The following NTN1 variants were observed in gnomAD, a reference collection of about 807,000 sequenced individuals.
NTN1 encodes the protein netrin 1.
A neutral mutation model predicts 54.2 loss-of-function variants in NTN1; 11 were observed. The observed-to-expected ratio is 0.20, with a 90% CI of 0.13 to 0.34. NTN1 has a LOEUF of 0.34. NTN1 is among the 10% of genes least tolerant of loss of function. NTN1 has a pLI of 1.00. For synonymous variants in NTN1, 371 were observed against 382.0 expected (o/e 0.97, Z 0.33); for missense variants, 740 against 893.1 (o/e 0.83, Z 2.18).
At chr17:9,027,131 C>T (rs2091873945) in intron 2 of NTN1, among the ~76,000 whole-genome samples, 1 of 152,080 alleles carries the variant, frequency 6.6e-6, no homozygotes, top group African/African-American at 2.4e-5. Context: ...ATGAGAAATC[C>T]AATGCCCCAC....
At chr17:9,192,603 C>T (rs779093099) in intron 5 of NTN1, among the ~76,000 whole-genome samples, 39 of 152,232 alleles carry the variant, frequency 2.6e-4, no homozygotes, top group Non-Finnish European at 4.6e-4. Context: ...ACAGCTCACG[C>T]AACAGAGAAG....
intron 5 of NTN1, among the ~76,000 whole-genome samples, chr17:9,199,443 T>G (rs1440719809): frequency 6.6e-6 from 1 of 152,200 alleles, no homozygotes; most frequent in African/African-American, 2.4e-5. Flanking sequence ...CACCCGGCCC[T>G]GCTATTTCTT....
intron 3 of NTN1, among the ~76,000 whole-genome samples, chr17:9,163,672 T>C (rs927796969): frequency 6.6e-6 from 1 of 152,250 alleles, no homozygotes; most frequent in Non-Finnish European, 1.5e-5. Flanking sequence ...CACTAATGTT[T>C]TAACTTTCTG....
At chr17:9,183,433 A>C (rs753329838) in intron 5 of NTN1, 1 of 409,722 alleles carries the variant, frequency 2.4e-6, no homozygotes, top group Non-Finnish European at 5.0e-6. Flanking sequence ...ATTCGCCTCT[A>C]ACTAAAAATT....
intron 2 of NTN1, among the ~76,000 whole-genome samples, chr17:9,057,169 T>C (rs1222959370): frequency 6.6e-6 from 1 of 151,364 alleles, no homozygotes; most frequent in African/African-American, 2.4e-5. Context: ...CCTCTTCTTT[T>C]TGCCCCCCAC....
rs1597463956 is a variant in NTN1, at chr17:9,032,725, A to G, written c.1018+9334A>G. Among the ~76,000 whole-genome samples, 2 of 152,190 alleles carry G rather than the reference A, an allele frequency of 1.3e-5. 1 individual carries two copies. Among genetic ancestry groups the G allele is most frequent in the South Asian group, 4.1e-4 (2 of 4,830 alleles). On this transcript the variant is annotated intron_variant, in intron 2 of 6. Coordinates refer to ENST00000173229, the MANE Select transcript of NTN1 (RefSeq NM_004822.3). ...CGGCCCCAGGGCAGAGCTGTTGGACACGGCCCCCCCAGCCCCTACCCTCAG... is the reference window on the plus strand; with the variant it reads ...CGGCCCCAGGGCAGAGCTGTTGGACGCGGCCCCCCCAGCCCCTACCCTCAG...
At chr17:9,156,115 C>T (rs1268450997) in intron 2 of NTN1, among the ~76,000 whole-genome samples, 1 of 152,208 alleles carries the variant, frequency 6.6e-6, no homozygotes, top group Non-Finnish European at 1.5e-5. Context: ...CCAACCTGCC[C>T]ATGTGGCCTG....
chr17:9,122,912 G>T (rs2092235794), intron 2 of NTN1, among the ~76,000 whole-genome samples: 1 of 152,070 alleles, frequency 6.6e-6, no homozygotes, highest in Non-Finnish European at 1.5e-5. Flanking sequence ...TGCATTTTGT[G>T]GGTGTACCAT....
Position 9,162,899 on chromosome 17 carries a change from C to A in NTN1, c.1105C>A (p.Leu369Ile), listed in dbSNP as rs1216191751. 3.1e-6 allele frequency: 5 copies of A among 1,613,848 alleles called. No homozygotes were observed. ...LSGRKSGGVC[L>I]NCRHNTAGRH... Reference sequence around the variant, plus strand: ...GGGGCGCAAGAGCGGAGGTGTCTGCCTCAACTGTCGCCACAACACCGCCGG... The same window carrying A: ...GGGGCGCAAGAGCGGAGGTGTCTGCATCAACTGTCGCCACAACACCGCCGG... Residue 369 changes from leucine (L) to isoleucine (I), a missense_variant, in exon 3 of 7, where the codon CTC becomes ATC. By Grantham distance (5) the Leu-to-Ile change is conservative. Transcript: ENST00000173229.
intron 5 of NTN1, among the ~76,000 whole-genome samples, chr17:9,198,185 G>A (rs1904689257): frequency 6.6e-6 from 1 of 152,180 alleles, no homozygotes; most frequent in African/African-American, 2.4e-5. Flanking sequence ...AGAGTGCAGG[G>A]GAAGAAACTG....
intron 5 of NTN1, among the ~76,000 whole-genome samples, chr17:9,189,392 C>T (rs1904390141): frequency 6.6e-6 from 1 of 152,204 alleles, no homozygotes; most frequent in Admixed American, 6.5e-5. Context: ...TGCTCTTTCG[C>T]CCAGGCTGTA....
intron 2 of NTN1, among the ~76,000 whole-genome samples, chr17:9,124,585 G>T (rs549865000): frequency 6.6e-6 from 1 of 152,358 alleles, no homozygotes; most frequent in South Asian, 2.1e-4. Flanking sequence ...ACGAGGATGG[G>T]GGGCTCTGAT....
At chr17:9,083,120 A>G (rs1045904351) in intron 2 of NTN1, among the ~76,000 whole-genome samples, 1 of 150,850 alleles carries the variant, frequency 6.6e-6, no homozygotes, top group Non-Finnish European at 1.5e-5. Flanking sequence ...TTCTTCTGAG[A>G]TCAAGTCTTG....
intron 2 of NTN1, among the ~76,000 whole-genome samples, chr17:9,101,160 G>A (rs951562283): frequency 1.3e-5 from 2 of 152,156 alleles, no homozygotes; most frequent in African/African-American, 4.8e-5. Context: ...TAAACTTTCT[G>A]AGGGCTAGAC....
At chr17:9,083,304 C>T (rs371119098) in intron 2 of NTN1, among the ~76,000 whole-genome samples, 48 of 152,226 alleles carry the variant, frequency 3.2e-4, no homozygotes, top group African/African-American at 1.1e-3. Context: ...CCATGTTGGC[C>T]AGGCTGGTCT....
chr17:9,142,568 G>A (rs2142281406), intron 2 of NTN1, among the ~76,000 whole-genome samples: 1 of 152,196 alleles, frequency 6.6e-6, no homozygotes, highest in Admixed American at 6.5e-5. Context: ...ATGGGAGGGG[G>A]GTGGAGGTTT....
At chr17:9,180,358 T>TCAATGTGCATTCCTG (rs1404202512) in intron 4 of NTN1, among the ~76,000 whole-genome samples, 1 of 152,196 alleles carries the variant, frequency 6.6e-6, no homozygotes, top group Non-Finnish European at 1.5e-5. Flanking sequence ...GGTTCTGTCT[T>TCAATGTGCATTCCTG]CAATGTGCAT....
At chr17:9,031,473 C>T (rs2091888206) in intron 2 of NTN1, among the ~76,000 whole-genome samples, 2 of 152,302 alleles carry the variant, frequency 1.3e-5, no homozygotes, top group South Asian at 2.1e-4. Context: ...ATATTAGACT[C>T]CTCAATATAA....
the NTN1 span, among the ~76,000 whole-genome samples, chr17:9,008,893 T>C: frequency 6.6e-6 from 1 of 152,042 alleles, no homozygotes; most frequent in Non-Finnish European, 1.5e-5. Flanking sequence ...ATACAAAAAT[T>C]AGCTGGGCAT....
Sources: gnomAD v4.1 joint callset for allele counts (sites outside exome capture counted in the v4.1 genomes callset) on GRCh38, gnomAD v4.1.1 for gene constraint, MANE v1.5 for transcripts, NCBI Gene and HGNC (gene_info 2026-07-23, HGNC 2026-07-21) for gene names.